Variants in COPZ1 observed in about 807,000 individuals in gnomAD.
COPZ1 encodes coat protein complex I subunit zeta 1, also known as coatomer subunit zeta-1.
Under a neutral mutation model 31.7 loss-of-function variants are expected in COPZ1, and 4 were observed. That is an observed-to-expected ratio of 0.13 (90% confidence interval 0.06 to 0.29). The LOEUF (loss-of-function observed/expected upper bound fraction) is 0.29. Ranked by LOEUF, COPZ1 falls within the 10% of genes least tolerant of loss-of-function variation. The pLI, the probability that COPZ1 is intolerant of heterozygous loss-of-function variation, is 1.00. For synonymous variants in COPZ1, 74 were observed against 79.0 expected (o/e 0.94, Z 0.33); for missense variants, 156 against 211.5 (o/e 0.74, Z 1.63).
At position 54,345,530 on chromosome 12, in the gene COPZ1, C is replaced by A; in HGVS notation, c.317+15C>A. On this transcript the variant is annotated intron_variant, in intron 5 of 8. Coordinates refer to ENST00000262061, the MANE Select transcript of COPZ1 (RefSeq NM_016057.3). The stretch of plus-strand genomic sequence containing the variant: ...CAGATGCTGAGGTGAGCAGGACATT[C>A]TTTTTTTTCCCCTCAAGTTATGATG... The A allele has an allele frequency of 6.3e-7, 1 of 1,598,682 alleles. No homozygotes were observed. Among genetic ancestry groups the A allele is most frequent in the Non-Finnish European group, 8.6e-7 (1 of 1,166,680 alleles).
At position 54,350,548 on chromosome 12, in the gene COPZ1, A is replaced by G. The variant is rs1954130095; in HGVS notation, c.*25A>G. The G allele has an allele frequency of 6.2e-7, 1 of 1,605,848 alleles. No homozygotes were observed. Among genetic ancestry groups the G allele is most frequent in the Non-Finnish European group, 8.5e-7 (1 of 1,172,686 alleles). On this transcript the variant is annotated 3_prime_UTR_variant, in exon 9 of 9. Transcript: ENST00000262061. The stretch of plus-strand genomic sequence containing the variant: ...AAGACCTCACTGTTCCTGGCTCTTC[A>G]TCCTCTTCAAAAAATTTGCATGTCT...
intron 1 of COPZ1, among the ~76,000 whole-genome samples, chr12:54,326,956 GTATTCTTTTTTTTTTTTTT>G (rs1235676594): frequency 1.4e-5 from 1 of 72,114 alleles, no homozygotes; most frequent in African/African-American, 5.5e-5. Context: ...CAGTTAACAA[GTATTCTTTTTTTTTTTTTT>G]TTTTTTTTTT....
chr12:54,336,419 T>C (rs926776555), intron 1 of COPZ1, among the ~76,000 whole-genome samples: 1 of 152,008 alleles, frequency 6.6e-6, no homozygotes, highest in Non-Finnish European at 1.5e-5. Context: ...CAGGTGCGTG[T>C]AGTCCCAGCT....
chr12:54,326,289 G>A (rs1035579164), intron 1 of COPZ1, among the ~76,000 whole-genome samples: 46 of 150,550 alleles, frequency 3.1e-4, no homozygotes, highest in Non-Finnish European at 4.9e-4. Context: ...ACAGGCGCTC[G>A]CCACCACTCC....
intron 1 of COPZ1, among the ~76,000 whole-genome samples, chr12:54,339,548 C>G (rs892969853): frequency 1.3e-5 from 2 of 152,010 alleles, no homozygotes; most frequent in East Asian, 1.9e-4. Flanking sequence ...GGGGGTCTCC[C>G]TGTGTTTCCC....
At chr12:54,343,173 C>T in intron 3 of COPZ1, 52 bp from the exon 4 acceptor site, 1 of 1,425,394 alleles carries the variant, frequency 7.0e-7, no homozygotes, top group Non-Finnish European at 9.9e-7. Context: ...TCCTTCTTTC[C>T]TACTTCCTTA....
intron 5 of COPZ1, chr12:54,346,607 T>C (rs2137111526): frequency 2.9e-6 from 2 of 701,546 alleles, no homozygotes; most frequent in East Asian, 5.4e-5. Context: ...TTTTCCCTTC[T>C]GTAGAACAGG....
intron 1 of COPZ1, among the ~76,000 whole-genome samples, chr12:54,328,541 GGTGACAGAGCAAGGCTCTGTCTCAGAAAA>G (rs1164099066): frequency 6.6e-5 from 10 of 152,326 alleles, no homozygotes; most frequent in African/African-American, 2.4e-4. Flanking sequence ...CTCCAGCCTG[GGTGACAGAGCAAGGCTCTGTCTCAGAAAA>G]GTTAAAGAAA....
intron 5 of COPZ1, among the ~76,000 whole-genome samples, chr12:54,347,270 T>C (rs1474197114): frequency 4.6e-5 from 7 of 152,110 alleles, no homozygotes; most frequent in African/African-American, 1.2e-4. Flanking sequence ...TGCCCCCTCT[T>C]TGGGCTTCTT....
At position 54,340,590 on chromosome 12, in the gene COPZ1, A is replaced by G. The variant is rs1158160875; in HGVS notation, c.62A>G (p.Asn21Ser). 6 of 1,614,098 alleles carry G rather than the reference A, an allele frequency of 3.7e-6. No homozygotes were observed. Among genetic ancestry groups the G allele is most frequent in the Admixed American group, 1.7e-5 (1 of 59,962 alleles). The change falls in exon 2 of 9, where the codon AAT (asparagine) becomes AGT (serine). Residue 21 changes from asparagine to serine, a missense_variant. Physicochemically the swap from Asn to Ser is conservative, Grantham distance 46. Coordinates refer to ENST00000262061, the MANE Select transcript of COPZ1 (RefSeq NM_016057.3). The part of the protein sequence containing the change: ...YTVKAILILD[N>S]DGDRLFAKYY... ...GTCAAAGCCATCCTGATTCTGGACA[A>G]TGATGGAGATCGACTTTTTGCCAAG...
chr12:54,337,251 T>C (rs1403027445), intron 1 of COPZ1: 2 of 534,786 alleles, frequency 3.7e-6, no homozygotes, highest in Admixed American at 3.9e-5. Flanking sequence ...AGTTCTGTTA[T>C]ACACTCAGGC....
At chr12:54,342,862 T>C (rs972151058) in intron 3 of COPZ1, among the ~76,000 whole-genome samples, 1 of 148,020 alleles carries the variant, frequency 6.8e-6, no homozygotes, top group African/African-American at 2.5e-5. Context: ...TCTTTTTTTT[T>C]TTTTTTTTTT....
intron 8 of COPZ1, 94 bp from the exon 9 acceptor site, chr12:54,350,382 C>G: frequency 1.0e-6 from 1 of 954,698 alleles, no homozygotes; most frequent in Middle Eastern, 2.1e-4. Flanking sequence ...CTTCTAAGGA[C>G]AGGGAAGACA....
rs761764367 is a variant in COPZ1, at chr12:54,343,325, C to T, written c.261+9C>T. 2.5e-6 allele frequency: 4 copies of T among 1,597,618 alleles called. No individual in the cohort carries two copies. Among genetic ancestry groups the T allele is most frequent in the South Asian group, 1.1e-5 (1 of 90,752 alleles). On this transcript the variant is annotated intron_variant, in intron 4 of 8. Transcript: ENST00000262061. ...GCTCCTATGAAAATGAGGTGAGAAT[C>T]CCCACCCCTCTTTGCTATTTCTGAT...
chr12:54,334,571 A>C (rs1420460167), intron 1 of COPZ1, among the ~76,000 whole-genome samples: 1 of 152,116 alleles, frequency 6.6e-6, no homozygotes, highest in Non-Finnish European at 1.5e-5. Flanking sequence ...AAGTTGGCAC[A>C]GGCTGGGCAC....
intron 1 of COPZ1, among the ~76,000 whole-genome samples, chr12:54,333,827 T>C (rs1338398865): frequency 1.3e-5 from 2 of 152,158 alleles, no homozygotes; most frequent in African/African-American, 4.8e-5. Context: ...ATGTGTTGAG[T>C]TTTTTCTTTA....
rs1234899370 is a variant in COPZ1 at position 54,339,617 on chromosome 12, T to A, written c.19-930T>A. Reference sequence around the variant, plus strand: ...CTGCCTCAGCCTCCTGCGATTTTCCTTCTCCTAGTTAGCTGGCTCCCTTGA... The same window carrying A: ...CTGCCTCAGCCTCCTGCGATTTTCCATCTCCTAGTTAGCTGGCTCCCTTGA... On this transcript the variant is annotated intron_variant, in intron 1 of 8. Coordinates refer to ENST00000262061, the MANE Select transcript of COPZ1 (RefSeq NM_016057.3). 2.0e-5 allele frequency among the ~76,000 whole-genome samples: 3 copies of A among 152,138 alleles called. No homozygotes were observed. In the East Asian group the frequency reaches 5.8e-4, roughly 29 times the overall value.
intron 5 of COPZ1, among the ~76,000 whole-genome samples, chr12:54,346,429 C>T (rs564545110): frequency 2.0e-5 from 3 of 151,876 alleles, no homozygotes; most frequent in Non-Finnish European, 4.4e-5. Context: ...CGTGCCACCA[C>T]GCCTGGCTAA....
In COPZ1 at chr12:54,345,825, C is replaced by T. The variant is rs542188848; in HGVS notation, c.317+310C>T. ...ACAAAAAATTAGCCGGGCATGGTAG[C>T]GGGCGCCTGTAGTCCCAGGTGCTTG... On this transcript the variant is annotated intron_variant, in intron 5 of 8. Coordinates refer to ENST00000262061, the MANE Select transcript of COPZ1 (RefSeq NM_016057.3). 8.6e-5 allele frequency among the ~76,000 whole-genome samples: 13 copies of T among 151,942 alleles called. No individual in the cohort carries two copies. The South Asian group carries it at 1.9e-3, about 22-fold the overall frequency.
Sources: gnomAD v4.1 joint callset for allele counts (sites outside exome capture counted in the v4.1 genomes callset) on GRCh38, gnomAD v4.1.1 for gene constraint, MANE v1.5 for transcripts, NCBI Gene and HGNC (gene_info 2026-07-23, HGNC 2026-07-21) for gene names.